The following PTCHD4 variants were observed in gnomAD, a reference collection of about 807,000 sequenced individuals.
PTCHD4 encodes patched domain-containing protein 4.
A neutral mutation model predicts 58.1 loss-of-function variants in PTCHD4; 33 were observed. The ratio of observed to expected loss-of-function variants is 0.57; its 90% confidence interval spans 0.43 to 0.76. The LOEUF (loss-of-function observed/expected upper bound fraction) is 0.76. PTCHD4 is among the 30% of genes least tolerant of loss of function. The probability of loss-of-function intolerance (pLI) is 0.00; values close to 1 mark genes in which losing one functional copy is unlikely to be tolerated. For synonymous variants in PTCHD4, 478 were observed against 409.6 expected (o/e 1.17, Z -2.02); for missense variants, 1,058 against 1,027.1 (o/e 1.03, Z -0.41).
chr6:47,879,852 T>C lies in PTCHD4; in HGVS notation c.983A>G (p.Asp328Gly). 2 of 1,608,602 alleles carry C rather than the reference T, an allele frequency of 1.2e-6. 1 individual carries two copies. The highest frequency in any genetic ancestry group is 1.7e-6 in the Non-Finnish European group (2 of 1,177,188). Residue 328 changes from aspartate to glycine, a missense_variant, in exon 5 of 5, where the codon GAT becomes GGT. By Grantham distance (94) the Asp-to-Gly change is moderately conservative. Coordinates refer to ENST00000339488, the MANE Select transcript of PTCHD4 (RefSeq NM_001384253.1). ...GGTGACCATCACATCAGAATAGGCA[T>C]CTGCTATCCTGTCTTTGAAGGGCAA... ...ENLPFKDRIA[D>G]AYSDVMVTYT...
chr6:47,894,649 A>G (rs1267187772), intron 4 of PTCHD4, among the ~76,000 whole-genome samples: 1 of 152,266 alleles, frequency 6.6e-6, no homozygotes, highest in Non-Finnish European at 1.5e-5. Flanking sequence ...TCTTGGCTAT[A>G]TACTCACAGT....
chr6:48,063,527 C>T (rs570018106), intron 3 of PTCHD4, among the ~76,000 whole-genome samples: 75 of 152,170 alleles, frequency 4.9e-4, no homozygotes, highest in Middle Eastern at 3.4e-3. Flanking sequence ...CTTCAGTACC[C>T]GACAGAACTG....
rs1342091691 is a variant in PTCHD4 at position 47,875,589 on chromosome 6, T to C, written c.*2714A>G. Among the ~76,000 whole-genome samples the C allele has an allele frequency of 2.6e-5, 4 of 151,882 alleles. No homozygotes were observed. Among genetic ancestry groups the C allele is most frequent in the African/African-American group, 7.2e-5 (3 of 41,400 alleles). On this transcript the variant is annotated 3_prime_UTR_variant, in exon 5 of 5. Transcript: ENST00000339488. ...TACTACGGTGTCCTGGAAAAGATAATGTTCCTTCCAAAATGCCCTCTAGTC... is the reference window on the plus strand; with the variant it reads ...TACTACGGTGTCCTGGAAAAGATAACGTTCCTTCCAAAATGCCCTCTAGTC...
chr6:47,884,383 C>A (rs1764118879), intron 4 of PTCHD4, among the ~76,000 whole-genome samples: 1 of 152,172 alleles, frequency 6.6e-6, no homozygotes, highest in Non-Finnish European at 1.5e-5. Context: ...AAAGAAGCCC[C>A]AATTTTCTCT....
chr6:48,007,617 G>A (rs1762492486), intron 4 of PTCHD4, among the ~76,000 whole-genome samples: 3 of 152,184 alleles, frequency 2.0e-5, no homozygotes, highest in African/African-American at 4.8e-5. Context: ...ATAATTGTCT[G>A]TTTTCCTCAT....
At chr6:47,920,142 C>T (rs1474887470) in intron 4 of PTCHD4, among the ~76,000 whole-genome samples, 2 of 152,142 alleles carry the variant, frequency 1.3e-5, no homozygotes, top group Admixed American at 1.3e-4. Context: ...CTGACTAACA[C>T]AGACTGCTAG....
chr6:48,038,996 G>A (rs1043737242), intron 3 of PTCHD4, among the ~76,000 whole-genome samples: 1 of 152,168 alleles, frequency 6.6e-6, no homozygotes, highest in African/African-American at 2.4e-5. Flanking sequence ...GGAATTATCA[G>A]ATAAAGGTAA....
rs1273684581 is a variant in PTCHD4, at chr6:47,871,128, C to T, written c.*7175G>A. ...AATAAAAATGCTCAACTTTTACTCT[C>T]ATTTCTACAATTTGTCTATGCATGG... On this transcript the variant is annotated 3_prime_UTR_variant, in exon 5 of 5. Transcript: ENST00000339488. Among the ~76,000 whole-genome samples the T allele has an allele frequency of 2.6e-5, 4 of 151,590 alleles. No homozygotes were observed. Among genetic ancestry groups the T allele is most frequent in the Admixed American group, 6.6e-5 (1 of 15,168 alleles).
At position 48,068,114 on chromosome 6, in the gene PTCHD4, G is replaced by A; in HGVS notation, c.417+116C>T. 1 of 1,149,398 alleles carries A rather than the reference G, an allele frequency of 8.7e-7. No homozygotes were observed. Among genetic ancestry groups the A allele is most frequent in the Non-Finnish European group, 1.2e-6 (1 of 813,344 alleles). The allele number at this position is 1,149,398 out of a possible 1,614,324, so 71.2% of individuals were successfully genotyped here. A position where few individuals can be genotyped will look rare whatever the true frequency, so the allele number is the denominator to read the frequency against. On this transcript the variant is annotated intron_variant, in intron 3 of 4. Coordinates refer to ENST00000339488, the MANE Select transcript of PTCHD4 (RefSeq NM_001384253.1). This position sits in a 1 kb window ranked among gnomAD's most constrained non-coding sequence, Gnocchi z 4.2. ...CCTGGCTGTTGTCTTATTGGAGACG[G>A]CAGCCTGCCTGAGATCCTCTAGCAC...
chr6:47,950,838 A>G (rs1398214226), intron 4 of PTCHD4, among the ~76,000 whole-genome samples: 1 of 152,138 alleles, frequency 6.6e-6, no homozygotes, highest in Non-Finnish European at 1.5e-5. Context: ...AAAAACCATA[A>G]AAAGGGGATA....
chr6:48,059,224 A>AT (rs1764528134), intron 3 of PTCHD4, among the ~76,000 whole-genome samples: 1 of 152,224 alleles, frequency 6.6e-6, no homozygotes, highest in African/African-American at 2.4e-5. Flanking sequence ...AAGAATCTGC[A>AT]TTTTTAACAA....
chr6:48,107,327 C>T (rs1216368848), intron 1 of PTCHD4, among the ~76,000 whole-genome samples: 1 of 152,092 alleles, frequency 6.6e-6, no homozygotes, highest in African/African-American at 2.4e-5. Flanking sequence ...CTTTGACAAA[C>T]CTGACAAAAA....
chr6:48,042,174 G>T (rs1190243700), intron 3 of PTCHD4, among the ~76,000 whole-genome samples: 1 of 151,916 alleles, frequency 6.6e-6, no homozygotes, highest in East Asian at 1.9e-4. Context: ...AAAAGAGAAA[G>T]ACTCCCCACC....
chr6:48,044,089 G>C, intron 3 of PTCHD4, among the ~76,000 whole-genome samples: 1 of 151,664 alleles, frequency 6.6e-6, no homozygotes, highest in East Asian at 1.9e-4. Flanking sequence ...AGACTGGTGG[G>C]GGTTGTTGAA....
In PTCHD4 at chr6:48,068,811, A is replaced by G. The variant is rs906697492; in HGVS notation, c.5+142T>C. The stretch of plus-strand genomic sequence containing the variant: ...CCCGGCCCCACCTCCATGCGCTCCT[A>G]CTACTCTTTCAAACACTGCAGCAAG... On this transcript the variant is annotated intron_variant, in intron 2 of 4. Coordinates refer to ENST00000339488, the MANE Select transcript of PTCHD4 (RefSeq NM_001384253.1). This position sits in a 1 kb window ranked among gnomAD's most constrained non-coding sequence, Gnocchi z 4.2. 2.5e-5 allele frequency: 16 copies of G among 633,168 alleles called. No homozygotes were observed. Among genetic ancestry groups the G allele is most frequent in the African/African-American group, 3.7e-5 (2 of 53,874 alleles). 39.2% of individuals were successfully genotyped at this position (633,168 alleles called of 1,614,324 possible).
chr6:48,007,587 T>C (rs1020371666), intron 4 of PTCHD4, among the ~76,000 whole-genome samples: 21 of 152,226 alleles, frequency 1.4e-4, no homozygotes, highest in African/African-American at 5.1e-4. Flanking sequence ...GTAGCGCTTC[T>C]CTTTATTTGT....
chr6:48,024,212 TTAAA>T (rs1216196711), intron 3 of PTCHD4, among the ~76,000 whole-genome samples: 8 of 152,218 alleles, frequency 5.3e-5, no homozygotes, highest in Admixed American at 5.2e-4. Flanking sequence ...TTCACTGAAC[TTAAA>T]TAAAATAAAT....
At chr6:47,974,120 T>C (rs983448505) in intron 4 of PTCHD4, among the ~76,000 whole-genome samples, 9 of 152,152 alleles carry the variant, frequency 5.9e-5, no homozygotes, top group Admixed American at 2.0e-4. Context: ...TGAGTACAAA[T>C]AATGAGGGAT....
chr6:47,879,338 A>G lies in PTCHD4; in HGVS notation c.1497T>C (p.Val499=). 6.2e-7 allele frequency: 1 copy of G among 1,613,352 alleles called. No homozygotes were observed. The highest frequency in any genetic ancestry group is 8.5e-7 in the Non-Finnish European group (1 of 1,179,634). Residue 499 remains valine (V), a synonymous_variant, in exon 5 of 5, where the codon GTT becomes GTC. Transcript: ENST00000339488. Reference sequence around the variant, plus strand: ...ATTTCTGCTGAACCATGGCATAGGAAACACTTGGCGAATCACTGGCTAGTA... The same window carrying G: ...ATTTCTGCTGAACCATGGCATAGGAGACACTTGGCGAATCACTGGCTAGTA... ...INLLASDSPS[V]SYAMVQQKYF...
Sources: allele counts gnomAD v4.1 joint callset (sites outside exome capture counted in the v4.1 genomes callset), GRCh38; gene constraint gnomAD v4.1.1; non-coding constraint Gnocchi (gnomAD v3.1); transcripts MANE v1.5; gene names NCBI Gene and HGNC (gene_info 2026-07-23, HGNC 2026-07-21).